GNAS: variants seen among roughly 807,000 people sequenced by gnomAD.
GNAS encodes GNAS complex locus, also known as protein ALEX.
Under a neutral mutation model 54.5 loss-of-function variants are expected in GNAS, and 8 were observed. The observed-to-expected ratio is 0.15, with a 90% CI of 0.09 to 0.26. GNAS has a LOEUF of 0.26. Ranked by LOEUF, GNAS falls within the 10% of genes least tolerant of loss-of-function variation. The pLI, the probability that GNAS is intolerant of heterozygous loss-of-function variation, is 1.00. For missense variants in GNAS, 170 were observed against 529.8 expected, an observed-to-expected ratio of 0.32 and a Z score of 6.67; for synonymous variants, 204 against 191.4, an observed-to-expected ratio of 1.07 and a Z score of -0.54.
upstream of GNAS, among the ~76,000 whole-genome samples, chr20:58,887,360 T>C (rs1221470121): frequency 6.6e-6 from 1 of 152,152 alleles, no homozygotes; most frequent in African/African-American, 2.4e-5. Flanking sequence ...AAAATGACAA[T>C]CAATCAAATT....
chr20:58,840,361 C>T (rs1284283360), upstream of GNAS: 1 of 1,613,192 alleles, frequency 6.2e-7, no homozygotes, highest in Non-Finnish European at 8.5e-7. This position sits in a 1 kb window ranked among gnomAD's most constrained non-coding sequence, Gnocchi z 6.0. Flanking sequence ...CGGAATCTGA[C>T]CACGAGCACG....
At chr20:58,903,288 C>G in intron 3 of GNAS, 1 of 604,330 alleles carries the variant, frequency 1.7e-6, no homozygotes, top group Non-Finnish European at 3.0e-6. Flanking sequence ...ACTTCTGGTA[C>G]AGTCATGATT....
intron 3 of GNAS, among the ~76,000 whole-genome samples, chr20:58,902,725 CTTTTTTTTTTTTTT>C (rs60022134): frequency 2.9e-5 from 2 of 69,510 alleles, no homozygotes; most frequent in East Asian, 5.3e-4. Flanking sequence ...GCACATACGA[CTTTTTTTTTTTTTT>C]TTTTTTTTTT....
At chr20:58,869,298 G>A (rs1335263952) in intron 1 of GNAS, among the ~76,000 whole-genome samples, 1 of 152,232 alleles carries the variant, frequency 6.6e-6, no homozygotes, top group Non-Finnish European at 1.5e-5. Context: ...TTCAATAGAT[G>A]AGGTATGCCA....
chr20:58,885,672 G>A (rs1269570973), intron 1 of GNAS, among the ~76,000 whole-genome samples: 1 of 152,138 alleles, frequency 6.6e-6, no homozygotes, highest in East Asian at 1.9e-4. Flanking sequence ...GAACTTTTAT[G>A]GTCTAAAGTA....
intron 1 of GNAS, among the ~76,000 whole-genome samples, chr20:58,869,463 G>C (rs1005632195): frequency 2.0e-5 from 3 of 152,174 alleles, no homozygotes; most frequent in South Asian, 4.1e-4. Flanking sequence ...GCAGAGTTTG[G>C]TGGTAAACTC....
chr20:58,870,906 C>A (rs2087399116), intron 1 of GNAS, among the ~76,000 whole-genome samples: 2 of 152,138 alleles, frequency 1.3e-5, no homozygotes. Flanking sequence ...ACAGGAAATC[C>A]CCCCAGCCTA....
At chr20:58,869,957 G>A (rs577157970) in intron 1 of GNAS, among the ~76,000 whole-genome samples, 7 of 152,240 alleles carry the variant, frequency 4.6e-5, no homozygotes, top group South Asian at 2.1e-4. Flanking sequence ...AACAGGTACC[G>A]TTGCCATTCC....
At chr20:58,846,197 C>T (rs1006173029) in intron 1 of GNAS, among the ~76,000 whole-genome samples, 1 of 151,972 alleles carries the variant, frequency 6.6e-6, no homozygotes, top group Non-Finnish European at 1.5e-5. Flanking sequence ...GGTCACAAAG[C>T]CAGGAAATTT....
At chr20:58,899,696 C>T (rs774227379) in intron 3 of GNAS, among the ~76,000 whole-genome samples, 74 of 151,906 alleles carry the variant, frequency 4.9e-4, no homozygotes, top group Non-Finnish European at 8.1e-4. Flanking sequence ...CACAGACACG[C>T]ACACACATCA....
intron 1 of GNAS, among the ~76,000 whole-genome samples, chr20:58,848,288 C>G (rs1033809339): frequency 6.6e-6 from 1 of 152,190 alleles, no homozygotes; most frequent in African/African-American, 2.4e-5. Context: ...CATCTCACTG[C>G]AGCCCTACAC....
upstream of GNAS, among the ~76,000 whole-genome samples, chr20:58,890,443 C>T (rs572397299): frequency 1.3e-5 from 2 of 151,904 alleles, no homozygotes; most frequent in Non-Finnish European, 2.9e-5. Flanking sequence ...CGGCCCGGGC[C>T]GCTCAAGGCT....
At chr20:58,860,176 T>C (rs1227001853) in intron 1 of GNAS, among the ~76,000 whole-genome samples, 1 of 152,204 alleles carries the variant, frequency 6.6e-6, no homozygotes, top group Non-Finnish European at 1.5e-5. Flanking sequence ...ACATGAAACA[T>C]GAGCTCCCCC....
chr20:58,852,977 C>G, intron 1 of GNAS: 1 of 1,179,072 alleles, frequency 8.5e-7, no homozygotes, highest in Non-Finnish European at 1.1e-6. Flanking sequence ...GAGAGGAGGG[C>G]GTAAGGATAG....
intron 1 of GNAS, among the ~76,000 whole-genome samples, chr20:58,845,614 A>C (rs926910832): frequency 2.0e-5 from 3 of 150,156 alleles, no homozygotes; most frequent in African/African-American, 7.3e-5. Context: ...TTTCTTACAT[A>C]TCAAAAGGCC....
At chr20:58,862,227 G>A (rs1469527814) in intron 1 of GNAS, among the ~76,000 whole-genome samples, 1 of 151,576 alleles carries the variant, frequency 6.6e-6, no homozygotes, top group East Asian at 1.9e-4. Context: ...GCATGATCTC[G>A]GCTCACTGCA....
intron 1 of GNAS, among the ~76,000 whole-genome samples, chr20:58,885,214 C>T (rs1282356539): frequency 4.6e-5 from 7 of 152,156 alleles, no homozygotes; most frequent in Admixed American, 4.6e-4. Flanking sequence ...GGCGTCTGTC[C>T]ACAGAGACCA....
intron 1 of GNAS, among the ~76,000 whole-genome samples, chr20:58,866,241 A>G (rs567016832): frequency 6.6e-6 from 1 of 152,294 alleles, no homozygotes; most frequent in African/African-American, 2.4e-5. Context: ...TGACCTATAA[A>G]CTTTCAGCAA....
intron 1 of GNAS, among the ~76,000 whole-genome samples, chr20:58,852,218 G>GC (rs1356439171): frequency 6.6e-6 from 1 of 152,082 alleles, no homozygotes; most frequent in Middle Eastern, 3.2e-3. Flanking sequence ...CACCCTGCTT[G>GC]CGCCGCTGTG....
Sources: allele counts gnomAD v4.1 joint callset (sites outside exome capture counted in the v4.1 genomes callset), GRCh38; gene constraint gnomAD v4.1.1; non-coding constraint Gnocchi (gnomAD v3.1); transcripts MANE v1.5; gene names NCBI Gene and HGNC (gene_info 2026-07-23, HGNC 2026-07-21).